Variants in ENTPD5 observed in about 807,000 individuals in gnomAD.
The protein encoded by ENTPD5 is ectonucleoside triphosphate diphosphohydrolase 5 (inactive), also known as nucleoside diphosphate phosphatase ENTPD5.
Under a neutral mutation model 60.2 loss-of-function variants are expected in ENTPD5, and 49 were observed. That is an observed-to-expected ratio of 0.81 (90% CI 0.65 to 1.03). ENTPD5 has a LOEUF of 1.03. ENTPD5 is among the 50% of genes least tolerant of loss of function. The probability of loss-of-function intolerance (pLI) is 0.00; values close to 1 mark genes in which losing one functional copy is unlikely to be tolerated. For synonymous variants in ENTPD5, 187 were observed against 185.4 expected, an observed-to-expected ratio of 1.01 and a Z score of -0.07; for missense variants, 480 against 507.6, an observed-to-expected ratio of 0.95 and a Z score of 0.52.
chr14:73,976,895 C>T, intron 8 of ENTPD5, 129 bp downstream of exon 8: 2 of 829,258 alleles, frequency 2.4e-6, no homozygotes, highest in Non-Finnish European at 1.9e-6. Context: ...GCATGAACTG[C>T]CACACCCAGC....
chr14:73,958,659 C>G, downstream of ENTPD5: 1 of 1,308,674 alleles, frequency 7.6e-7, no homozygotes, highest in Non-Finnish European at 9.8e-7. Context: ...TACATCAGAA[C>G]TATTCAGCTC....
At chr14:73,990,409 A>T (rs1256210127) in intron 3 of ENTPD5, among the ~76,000 whole-genome samples, 1 of 151,686 alleles carries the variant, frequency 6.6e-6, no homozygotes, top group Non-Finnish European at 1.5e-5. Context: ...ATCACGGTTC[A>T]CTGCAATCAT....
intron 14 of ENTPD5, 73 bp from the exon 15 acceptor site, chr14:73,970,198 A>T: frequency 8.7e-7 from 1 of 1,154,762 alleles, no homozygotes; most frequent in Non-Finnish European, 1.3e-6. Context: ...TCTTAGAAAG[A>T]AGTGGAATAG....
chr14:74,007,333 A>G (rs7152100), intron 3 of ENTPD5, among the ~76,000 whole-genome samples: 3,599 of 152,224 alleles, frequency 0.024, 122 homozygotes, highest in African/African-American at 0.082. Context: ...CATCCTGGCT[A>G]ACACGGTGAA....
chr14:73,992,330 T>G (rs1428738117), intron 3 of ENTPD5, among the ~76,000 whole-genome samples: 1 of 152,154 alleles, frequency 6.6e-6, no homozygotes, highest in Non-Finnish European at 1.5e-5. Flanking sequence ...ATCTCAACTT[T>G]GTTGAGTATC....
At position 74,015,893 on chromosome 14, in the gene ENTPD5, A is replaced by T. The variant is rs138306128; in HGVS notation, c.-200T>A. ...TTGTCTGTATGAGGATTCAGCCAAG[A>T]CACTCCACATTTCTTTGTTGACCAG... is the stretch of plus-strand genomic sequence containing the variant. On this transcript the variant is annotated 5_prime_UTR_variant, in exon 2 of 16. Coordinates refer to ENST00000334696, the MANE Select transcript of ENTPD5 (RefSeq NM_001249.5). 6.6e-6 allele frequency: 1 copy of T among 152,220 alleles called. No individual in the cohort carries two copies. The highest frequency in any genetic ancestry group is 1.5e-5 in the Non-Finnish European group (1 of 68,048). 9.4% of individuals were successfully genotyped at this position (152,220 alleles called of 1,614,324 possible).
At chr14:73,963,194 AGACC>A, downstream of ENTPD5, 1 of 619,366 alleles carries the variant, frequency 1.6e-6, no homozygotes, top group Non-Finnish European at 2.9e-6. Context: ...TATATTAGCC[AGACC>A]AAAGGAAAAA....
chr14:73,996,564 G>A (rs1403056130), intron 3 of ENTPD5: 1 of 151,284 alleles, frequency 6.6e-6, no homozygotes, highest in African/African-American at 2.4e-5. Flanking sequence ...TAATAAGCAT[G>A]TACTGAGTAT....
downstream of ENTPD5, chr14:73,959,450 G>A (rs191703506): frequency 1.6e-5 from 26 of 1,614,192 alleles, no homozygotes; most frequent in Admixed American, 3.0e-4. Flanking sequence ...TTTGGTCCAC[G>A]TCCCATGAAC....
At chr14:73,991,554 C>G (rs1275308658) in intron 3 of ENTPD5, among the ~76,000 whole-genome samples, 1 of 145,356 alleles carries the variant, frequency 6.9e-6, no homozygotes, top group African/African-American at 2.5e-5. Context: ...CACCACTGTG[C>G]TCCAGCCTGG....
downstream of ENTPD5, chr14:73,958,277 G>A: frequency 1.2e-6 from 2 of 1,613,862 alleles, no homozygotes; most frequent in South Asian, 1.1e-5. Context: ...CCAAATTGTT[G>A]GTAGTTGAAG....
At position 73,963,847 on chromosome 14, in the gene ENTPD5, G is replaced by GAAAC. The variant is rs1361628299; in HGVS notation, c.*3077_*3080dup. On this transcript the variant is annotated 3_prime_UTR_variant, in exon 16 of 16. Transcript: ENST00000334696. ...AGTCTGATTTGAGATGAAATGAAGA[G>GAAAC]AAACAGTCTGCTTTTGAACCAAGTA... 13 of 152,298 alleles carry GAAAC rather than the reference G, an allele frequency of 8.5e-5. No individual in the cohort carries two copies. Among genetic ancestry groups the GAAAC allele is most frequent in the African/African-American group, 2.6e-4 (11 of 41,560 alleles). The allele number at this position is 152,298 out of a possible 1,614,324, so 9.4% of individuals were successfully genotyped here.
intron 3 of ENTPD5, among the ~76,000 whole-genome samples, chr14:74,006,856 A>T (rs575594284): frequency 7.2e-5 from 11 of 152,110 alleles, no homozygotes; most frequent in Non-Finnish European, 1.5e-4. Flanking sequence ...AAGCATTAGG[A>T]TTACAGGCCT....
intron 2 of ENTPD5, among the ~76,000 whole-genome samples, chr14:74,012,453 T>G (rs896638886): frequency 6.6e-5 from 10 of 152,210 alleles, no homozygotes; most frequent in Admixed American, 4.6e-4. Context: ...GAGTACAATC[T>G]GGCATATATG....
At chr14:73,977,197 T>C in intron 7 of ENTPD5, 102 bp downstream of exon 7, 1 of 1,228,888 alleles carries the variant, frequency 8.1e-7, no homozygotes, top group East Asian at 2.3e-5. Context: ...TATTTCCTGC[T>C]ATCTCATTCC....
chr14:73,986,969 T>C, intron 4 of ENTPD5, 76 bp from the exon 5 acceptor site: 1 of 1,092,142 alleles, frequency 9.2e-7, no homozygotes, highest in Non-Finnish European at 1.4e-6. Flanking sequence ...CTGGGCTCTG[T>C]CTCTGTAAGT....
rs776869312 is a variant in ENTPD5, at chr14:73,986,801, A to G, written c.297+13T>C. On this transcript the variant is annotated intron_variant, in intron 5 of 15. Coordinates refer to ENST00000334696, the MANE Select transcript of ENTPD5 (RefSeq NM_001249.5). ...GCATTGAGAATCTAAACATCAAATC[A>G]TAAGAAACTCACCTGCTTAGGTTGA... 6.2e-6 allele frequency: 10 copies of G among 1,604,216 alleles called. No individual in the cohort carries two copies. The South Asian group carries it at 7.7e-5, about 12-fold the overall frequency.
chr14:73,985,574 C>T (rs981183004), intron 5 of ENTPD5, among the ~76,000 whole-genome samples: 1 of 152,138 alleles, frequency 6.6e-6, no homozygotes, highest in Non-Finnish European at 1.5e-5. Flanking sequence ...CCTTTGCCCA[C>T]TTTTTGATGG....
intron 3 of ENTPD5, among the ~76,000 whole-genome samples, chr14:73,990,880 T>C (rs1040346507): frequency 1.3e-5 from 2 of 151,670 alleles, no homozygotes; most frequent in Admixed American, 6.6e-5. Flanking sequence ...AATACAAAAA[T>C]GAGCCAGGCA....
Sources: gnomAD v4.1 joint callset for allele counts (sites outside exome capture counted in the v4.1 genomes callset) on GRCh38, gnomAD v4.1.1 for gene constraint, MANE v1.5 for transcripts, NCBI Gene and HGNC (gene_info 2026-07-23, HGNC 2026-07-21) for gene names.